The following RPIA variants were observed in gnomAD, a reference collection of about 807,000 sequenced individuals.
RPIA encodes ribose-5-phosphate isomerase.
A neutral mutation model predicts 37.8 loss-of-function variants in RPIA; 29 were observed. The observed-to-expected ratio is 0.77, with a 90% confidence interval of 0.57 to 1.05. The LOEUF is 1.05. RPIA is among the 50% of genes least tolerant of loss of function. RPIA has a pLI of 0.00. For synonymous variants in RPIA, 167 were observed against 157.0 expected (o/e 1.06, Z -0.48); for missense variants, 385 against 413.6 (o/e 0.93, Z 0.60).
At chr2:88,727,098 C>G (rs895789123) in intron 3 of RPIA, among the ~76,000 whole-genome samples, 1 of 148,728 alleles carries the variant, frequency 6.7e-6, no homozygotes. Flanking sequence ...TGTGTGTGTG[C>G]GCGCGCATGT....
intron 3 of RPIA, among the ~76,000 whole-genome samples, chr2:88,727,073 T>TTGTGTGCGTGCGTGTGTG (rs1553421568): frequency 3.3e-5 from 5 of 149,696 alleles, no homozygotes; most frequent in East Asian, 1.9e-4. Flanking sequence ...TTAATATCTC[T>TTGTGTGCGTGCGTGTGTG]TGTGTGCGTG....
chr2:88,742,198 A>G (rs1005259913), intron 8 of RPIA, among the ~76,000 whole-genome samples: 1 of 152,208 alleles, frequency 6.6e-6, no homozygotes, highest in East Asian at 1.9e-4. Context: ...TCTTCAATTT[A>G]AGTCTTTGAT....
At position 88,736,656 on chromosome 2, in the gene RPIA, C is replaced by T. The variant is rs781619737; in HGVS notation, c.718C>T (p.Arg240Ter). 1.9e-6 allele frequency: 3 copies of T among 1,613,552 alleles called. No individual in the cohort carries two copies. The highest frequency in any genetic ancestry group is 2.5e-6 in the Non-Finnish European group (3 of 1,179,624). ...GAAGTTTGGGGGCGTGGTTGAACTTCGAATGGCTGTCAACAAGGCTGTGAG... is the reference window on the plus strand; with the variant it reads ...GAAGTTTGGGGGCGTGGTTGAACTTTGAATGGCTGTCAACAAGGCTGTGAG... ...SQKFGGVVEL[R>*]MAVNKAGPVV... The change falls in exon 7 of 9, where the codon CGA becomes TGA. Residue 240 changes from arginine to a stop codon, truncating the protein, a stop_gained. Coordinates refer to ENST00000283646, the MANE Select transcript of RPIA (RefSeq NM_144563.3). LOFTEE classifies it high-confidence loss of function.
chr2:88,716,677 T>A (rs1038225438), intron 3 of RPIA, among the ~76,000 whole-genome samples: 5 of 152,230 alleles, frequency 3.3e-5, no homozygotes, highest in Admixed American at 6.5e-5. Context: ...TTGTTCAGGT[T>A]ACTTTTTTTC....
At chr2:88,725,458 T>A (rs1673184928) in intron 3 of RPIA, among the ~76,000 whole-genome samples, 1 of 152,122 alleles carries the variant, frequency 6.6e-6, no homozygotes, top group Non-Finnish European at 1.5e-5. Flanking sequence ...GTCCTGTGCC[T>A]TCCTCCTAAC....
intron 6 of RPIA, 119 bp from the exon 7 acceptor site, chr2:88,736,416 G>T: frequency 1.0e-6 from 1 of 957,050 alleles, no homozygotes; most frequent in Non-Finnish European, 1.7e-6. Flanking sequence ...CATGTATATT[G>T]CCCTTGATCA....
chr2:88,712,057 G>T (rs1481673918), intron 3 of RPIA, among the ~76,000 whole-genome samples: 1 of 152,174 alleles, frequency 6.6e-6, no homozygotes, highest in African/African-American at 2.4e-5. Flanking sequence ...GTATAATGAG[G>T]CATATCTGAC....
At chr2:88,707,297 G>C (rs1273759926) in intron 3 of RPIA, among the ~76,000 whole-genome samples, 2 of 149,362 alleles carry the variant, frequency 1.3e-5, no homozygotes, top group Non-Finnish European at 2.9e-5. Flanking sequence ...GACTTTTCTT[G>C]TGATTTTCTT....
At chr2:88,710,203 T>C (rs1672944852) in intron 3 of RPIA, among the ~76,000 whole-genome samples, 1 of 152,126 alleles carries the variant, frequency 6.6e-6, no homozygotes, top group African/African-American at 2.4e-5. Flanking sequence ...CATGCCACCA[T>C]GCCTAGCTTT....
chr2:88,733,984 T>C (rs1673283445), intron 4 of RPIA, among the ~76,000 whole-genome samples: 1 of 152,140 alleles, frequency 6.6e-6, no homozygotes, highest in African/African-American at 2.4e-5. Context: ...AATTTCCAGT[T>C]CGGGAACTCA....
At chr2:88,727,229 G>A (rs551274007) in intron 3 of RPIA, among the ~76,000 whole-genome samples, 1 of 152,138 alleles carries the variant, frequency 6.6e-6, no homozygotes, top group African/African-American at 2.4e-5. Flanking sequence ...CATCACCTCC[G>A]CTTTGTGCCA....
In RPIA at chr2:88,750,387, A is replaced by G. The variant is rs1197672425; in HGVS notation, c.*309A>G. On this transcript the variant is annotated 3_prime_UTR_variant, in exon 9 of 9. Coordinates refer to ENST00000283646, the MANE Select transcript of RPIA (RefSeq NM_144563.3). Reference sequence around the variant, plus strand: ...AAAAAAAATGAGGTAAACTGTATTTAAAACCTTTGACTTGAGTCTGCTGGT... The same window carrying G: ...AAAAAAAATGAGGTAAACTGTATTTGAAACCTTTGACTTGAGTCTGCTGGT... 1 of 422,756 alleles carries G rather than the reference A, an allele frequency of 2.4e-6. No homozygotes were observed. The highest frequency in any genetic ancestry group is 4.2e-6 in the Non-Finnish European group (1 of 240,024). The allele number at this position is 422,756 out of a possible 1,614,324, so 26.2% of individuals were successfully genotyped here.
chr2:88,720,571 TA>T (rs1211508145), intron 3 of RPIA, among the ~76,000 whole-genome samples: 2 of 150,630 alleles, frequency 1.3e-5, no homozygotes, highest in Non-Finnish European at 3.0e-5. Context: ...AAAACAAAAT[TA>T]AAAAATAATT....
chr2:88,737,453 C>T (rs1673328483), intron 7 of RPIA, among the ~76,000 whole-genome samples: 1 of 152,196 alleles, frequency 6.6e-6, no homozygotes, highest in Non-Finnish European at 1.5e-5. Context: ...AGATTGTCGG[C>T]ACATGAAAGA....
intron 2 of RPIA, 22 bp downstream of exon 2, chr2:88,698,566 T>G (rs1199217661): frequency 1.2e-6 from 2 of 1,607,716 alleles, no homozygotes; most frequent in African/African-American, 2.7e-5. Context: ...CACTGTCTAC[T>G]GGATGTTTTG....
chr2:88,750,302 T>C lies in RPIA; in HGVS notation c.*224T>C, dbSNP rs903787839. The C allele has an allele frequency of 3.9e-5, 16 of 411,834 alleles. No individual in the cohort carries two copies. The highest frequency in any genetic ancestry group is 2.2e-4 in the African/African-American group (11 of 50,298). 25.5% of individuals were successfully genotyped at this position (411,834 alleles called of 1,614,324 possible). A position where few individuals can be genotyped will look rare whatever the true frequency, so the allele number is the denominator to read the frequency against. On this transcript the variant is annotated 3_prime_UTR_variant, in exon 9 of 9. Coordinates refer to ENST00000283646, the MANE Select transcript of RPIA (RefSeq NM_144563.3). ...AACATATATTTTTACTATTAAAATA[T>C]TCAGTTTTTTAAATGAAGTAGAACT...
intron 1 of RPIA, among the ~76,000 whole-genome samples, 161 bp downstream of exon 1, chr2:88,692,144 C>T (rs1473281025): frequency 1.3e-5 from 2 of 152,202 alleles, no homozygotes; most frequent in Admixed American, 1.3e-4. Context: ...GACCCCTCTT[C>T]CCTGCTCCTT....
At chr2:88,741,289 T>A (rs552241437) in intron 8 of RPIA, among the ~76,000 whole-genome samples, 99 of 152,304 alleles carry the variant, frequency 6.5e-4, no homozygotes, top group African/African-American at 2.3e-3. Context: ...TAGCTCCCAG[T>A]TATAAGTGAG....
intron 3 of RPIA, among the ~76,000 whole-genome samples, chr2:88,706,924 A>G (rs781741101): frequency 6.6e-6 from 1 of 152,202 alleles, no homozygotes; most frequent in Non-Finnish European, 1.5e-5. Flanking sequence ...GTTATTATCT[A>G]TGTGGGGTGC....
Sources: allele counts gnomAD v4.1 joint callset (sites outside exome capture counted in the v4.1 genomes callset), GRCh38; gene constraint gnomAD v4.1.1; transcripts MANE v1.5; gene names NCBI Gene and HGNC (gene_info 2026-07-23, HGNC 2026-07-21).